The following LIN54 variants were observed in gnomAD, a reference collection of about 807,000 sequenced individuals.
The protein encoded by LIN54 is lin-54 DREAM MuvB core complex component.
LIN54 carries 9 observed loss-of-function variants against 78.7 expected under a neutral mutation model. The ratio of observed to expected loss-of-function variants is 0.11; its 90% confidence interval spans 0.07 to 0.20. The LOEUF is 0.20. Among genes scored for constraint, LIN54 ranks in the 10% least tolerant of loss-of-function variants. LIN54 has a pLI of 1.00. For missense variants in LIN54, 573 were observed against 889.9 expected, an observed-to-expected ratio of 0.64 and a Z score of 4.53; for synonymous variants, 269 against 318.4, an observed-to-expected ratio of 0.84 and a Z score of 1.65.
chr4:82,980,981 T>C (rs1019790949), intron 2 of LIN54, among the ~76,000 whole-genome samples: 6 of 152,208 alleles, frequency 3.9e-5, no homozygotes, highest in Non-Finnish European at 7.4e-5. Flanking sequence ...GTGGTTATGT[T>C]TCTTTAGTGG....
chr4:82,928,850 A>G (rs1721704482), intron 12 of LIN54, among the ~76,000 whole-genome samples: 2 of 152,266 alleles, frequency 1.3e-5, no homozygotes, highest in Admixed American at 6.5e-5. Flanking sequence ...GTTCTAGCAC[A>G]ACAAAACAAA....
chr4:82,936,768 T>G (rs1460251843), intron 9 of LIN54, among the ~76,000 whole-genome samples: 1 of 152,244 alleles, frequency 6.6e-6, no homozygotes. Context: ...CTGGCTCATC[T>G]GAGTTATAGT....
At chr4:82,966,941 A>G (rs1352746033) in intron 4 of LIN54, among the ~76,000 whole-genome samples, 1 of 152,144 alleles carries the variant, frequency 6.6e-6, no homozygotes, top group Non-Finnish European at 1.5e-5. Flanking sequence ...CTATCAACTT[A>G]TTAAGATAAA....
rs570827721 is a variant in LIN54 at position 82,985,905 on chromosome 4, A to C, written c.-32-1029T>G. Among the ~76,000 whole-genome samples the C allele has an allele frequency of 2.0e-5, 3 of 152,296 alleles. No individual in the cohort carries two copies. The South Asian group carries it at 6.2e-4, about 32-fold the overall frequency. Reference sequence around the variant, plus strand: ...AGATGTACAGCCAATCCCCATGAAGAAAAAAAGTAATAATCATAAAGCAGA... The same window carrying C: ...AGATGTACAGCCAATCCCCATGAAGCAAAAAAGTAATAATCATAAAGCAGA... On this transcript the variant is annotated intron_variant, in intron 1 of 12. Transcript: ENST00000340417.
chr4:82,990,701 T>C (rs1727612098), intron 1 of LIN54, among the ~76,000 whole-genome samples: 1 of 152,020 alleles, frequency 6.6e-6, no homozygotes, highest in South Asian at 2.1e-4. Context: ...GCCAGGATGG[T>C]CTCGATCTCC....
At chr4:82,948,186 A>G (rs1407389976) in intron 4 of LIN54, among the ~76,000 whole-genome samples, 1 of 152,336 alleles carries the variant, frequency 6.6e-6, no homozygotes, top group Non-Finnish European at 1.5e-5. Flanking sequence ...AGTCCTTACT[A>G]TATCCGCTCA....
intron 11 of LIN54, among the ~76,000 whole-genome samples, chr4:82,934,918 A>G (rs144289601): frequency 6.9e-4 from 105 of 152,306 alleles, no homozygotes; most frequent in African/African-American, 2.4e-3. Context: ...AAAACTATAT[A>G]GTACTGTGTC....
chr4:82,938,107 C>A (rs1722536880), intron 8 of LIN54, among the ~76,000 whole-genome samples: 1 of 152,130 alleles, frequency 6.6e-6, no homozygotes, highest in Non-Finnish European at 1.5e-5. Flanking sequence ...GCCTGGGCAA[C>A]AGAGCAAGAC....
At chr4:82,996,623 C>T (rs1201522304) in intron 1 of LIN54, among the ~76,000 whole-genome samples, 1 of 151,950 alleles carries the variant, frequency 6.6e-6, no homozygotes, top group Admixed American at 6.6e-5. Context: ...CCAGGCTGGT[C>T]TCGAACTCTT....
intron 4 of LIN54, among the ~76,000 whole-genome samples, chr4:82,964,544 G>T (rs1294408427): frequency 1.3e-5 from 2 of 152,214 alleles, no homozygotes; most frequent in Admixed American, 1.3e-4. Context: ...ATGGAGGTTG[G>T]ATATCAGGAT....
At chr4:83,002,353 C>A (rs1480327537) in intron 1 of LIN54, among the ~76,000 whole-genome samples, 2 of 142,722 alleles carry the variant, frequency 1.4e-5, no homozygotes, top group African/African-American at 5.3e-5. Context: ...AGCAACATAG[C>A]GAGACCTCAC....
chr4:82,937,948 T>A (rs142095564), intron 8 of LIN54, among the ~76,000 whole-genome samples: 1 of 152,054 alleles, frequency 6.6e-6, no homozygotes, highest in Non-Finnish European at 1.5e-5. Flanking sequence ...CTGGGCAATA[T>A]AGTGAGACCG....
intron 3 of LIN54, among the ~76,000 whole-genome samples, chr4:82,971,576 G>GA (rs1487489194): frequency 4.6e-5 from 7 of 151,824 alleles, no homozygotes; most frequent in African/African-American, 1.7e-4. Context: ...CTGAGGTTTG[G>GA]AGATTATTTT....
intron 4 of LIN54, among the ~76,000 whole-genome samples, chr4:82,955,234 TC>T (rs1481704178): frequency 6.6e-6 from 1 of 151,990 alleles, no homozygotes; most frequent in African/African-American, 2.4e-5. Flanking sequence ...CTTGGTGGCA[TC>T]CACTTGTAAT....
intron 4 of LIN54, among the ~76,000 whole-genome samples, chr4:82,948,202 G>A (rs1193238882): frequency 1.3e-5 from 2 of 152,000 alleles, no homozygotes; most frequent in African/African-American, 2.4e-5. Flanking sequence ...GCTCAAAATG[G>A]GGGAAAAACA....
At chr4:82,947,221 A>ATTTTT (rs1560733190) in intron 4 of LIN54, among the ~76,000 whole-genome samples, 11 of 13,830 alleles carry the variant, frequency 8.0e-4, no homozygotes, top group African/African-American at 2.2e-3. Context: ...ATATATATAT[A>ATTTTT]TATATATATA....
intron 1 of LIN54, among the ~76,000 whole-genome samples, chr4:83,009,443 T>C (rs976099742): frequency 6.6e-6 from 1 of 152,156 alleles, no homozygotes; most frequent in Non-Finnish European, 1.5e-5. Flanking sequence ...GGGAAAAGCA[T>C]AGGGTCCAAA....
At chr4:82,966,829 C>T (rs1432706514) in intron 4 of LIN54, among the ~76,000 whole-genome samples, 3 of 152,008 alleles carry the variant, frequency 2.0e-5, no homozygotes, top group Admixed American at 6.6e-5. Context: ...AGGCTGGTCT[C>T]GAACTCCTGT....
At chr4:82,930,592 T>TGGAAAAGGCAAGAGAAGGTA (rs1721867174) in intron 12 of LIN54, among the ~76,000 whole-genome samples, 1 of 152,090 alleles carries the variant, frequency 6.6e-6, no homozygotes, top group African/African-American at 2.4e-5. Flanking sequence ...CTCCAAGAAA[T>TGGAAAAGGCAAGAGAAGGTA]GGAAAAGGCA....
Sources: allele counts gnomAD v4.1 joint callset (sites outside exome capture counted in the v4.1 genomes callset), GRCh38; gene constraint gnomAD v4.1.1; transcripts MANE v1.5; gene names NCBI Gene and HGNC (gene_info 2026-07-23, HGNC 2026-07-21).